MAP4K3: variants seen among roughly 807,000 people sequenced by gnomAD.
MAP4K3 encodes mitogen-activated protein kinase kinase kinase kinase 3.
MAP4K3 carries 94 observed loss-of-function variants against 143.5 expected under a neutral mutation model. That is an observed-to-expected ratio of 0.65 (90% CI 0.55 to 0.78). The LOEUF is 0.78. Among genes scored for constraint, MAP4K3 ranks in the 30% least tolerant of loss-of-function variants. The pLI is 0.00. For missense variants in MAP4K3, 1,077 were observed against 1,068.1 expected (o/e 1.01, Z -0.12); for synonymous variants, 416 against 347.2 (o/e 1.20, Z -2.20).
intron 1 of MAP4K3, among the ~76,000 whole-genome samples, chr2:39,409,325 T>A (rs758685276): frequency 1.3e-5 from 2 of 152,232 alleles, no homozygotes; most frequent in African/African-American, 4.8e-5. Context: ...TGGTTAAGCT[T>A]TGGGGAAGTC....
intron 1 of MAP4K3, among the ~76,000 whole-genome samples, chr2:39,392,636 A>G (rs529472347): frequency 2.6e-5 from 4 of 152,324 alleles, no homozygotes; most frequent in Non-Finnish European, 5.9e-5. Context: ...GGGTCCCTCA[A>G]AGCTTATGTG....
chr2:39,278,562 C>T (rs908681225), intron 23 of MAP4K3, 76 bp from the exon 24 acceptor site: 53 of 782,150 alleles, frequency 6.8e-5, no homozygotes, highest in Middle Eastern at 6.7e-4. Context: ...ATCTAAACTT[C>T]CGTAAATAAG....
chr2:39,394,365 G>C (rs1210687619), intron 1 of MAP4K3, among the ~76,000 whole-genome samples: 1 of 152,192 alleles, frequency 6.6e-6, no homozygotes, highest in African/African-American at 2.4e-5. Flanking sequence ...AGGACAGCTT[G>C]AACTAAGGTC....
chr2:39,328,547 T>C (rs1021062345), intron 8 of MAP4K3, among the ~76,000 whole-genome samples: 8 of 152,136 alleles, frequency 5.3e-5, no homozygotes, highest in Non-Finnish European at 1.2e-4. Flanking sequence ...GATCAGGGGT[T>C]ACCAGATGCT....
intron 2 of MAP4K3, among the ~76,000 whole-genome samples, chr2:39,360,243 C>A (rs2148557607): frequency 6.6e-6 from 1 of 152,340 alleles, no homozygotes; most frequent in African/African-American, 2.4e-5. Flanking sequence ...TAAAGCCTAA[C>A]AAGAGTCACT....
At chr2:39,251,742 T>A (rs979832246) in intron 33 of MAP4K3, 88 bp downstream of exon 33, 6 of 1,105,504 alleles carry the variant, frequency 5.4e-6, no homozygotes, top group Non-Finnish European at 8.1e-6. Context: ...TTGCAGACAT[T>A]TCAATTCTCT....
chr2:39,340,210 GGCA>G (rs1665100793), intron 4 of MAP4K3, among the ~76,000 whole-genome samples: 1 of 152,154 alleles, frequency 6.6e-6, no homozygotes, highest in Non-Finnish European at 1.5e-5. Context: ...ATAAAAAAGA[GGCA>G]GAAGAGAGAG....
intron 7 of MAP4K3, 132 bp from the exon 8 acceptor site, chr2:39,332,121 C>T (rs1683704256): frequency 4.1e-6 from 2 of 490,416 alleles, no homozygotes; most frequent in Admixed American, 3.2e-5. Context: ...TCTCAAACAT[C>T]ACATTACAAA....
At position 39,399,507 on chromosome 2, in the gene MAP4K3, C is replaced by G. The variant is rs74637738; in HGVS notation, c.97-21384G>C. On this transcript the variant is annotated intron_variant, in intron 1 of 33. Transcript: ENST00000263881. ...CATCTCATTTCCATCTTTGAGGTGACCTGGAGTTTTGTTCAAGCCAAGAGG... is the reference window on the plus strand; with the variant it reads ...CATCTCATTTCCATCTTTGAGGTGAGCTGGAGTTTTGTTCAAGCCAAGAGG... 1.5e-3 allele frequency among the ~76,000 whole-genome samples: 222 copies of G among 152,286 alleles called. 6 individuals carry two copies. In the East Asian group the frequency reaches 0.026, roughly 18 times the overall value.
intron 19 of MAP4K3, among the ~76,000 whole-genome samples, chr2:39,289,841 T>C (rs1435459567): frequency 1.3e-5 from 2 of 152,142 alleles, no homozygotes; most frequent in Non-Finnish European, 2.9e-5. Context: ...TCCCACAACT[T>C]TGGGAGGCCA....
intron 1 of MAP4K3, among the ~76,000 whole-genome samples, chr2:39,425,539 A>T (rs1665041207): frequency 1.3e-5 from 2 of 152,098 alleles, no homozygotes; most frequent in African/African-American, 4.8e-5. Flanking sequence ...AAGTGCCCTT[A>T]TGAGAAGAGA....
intron 3 of MAP4K3, 130 bp from the exon 4 acceptor site, chr2:39,343,582 CTAAT>C (rs1255770811): frequency 2.4e-5 from 15 of 634,096 alleles, no homozygotes; most frequent in African/African-American, 1.5e-4. Context: ...TTTAAAATAA[CTAAT>C]TAATCTTTAT....
At position 39,333,440 on chromosome 2, in the gene MAP4K3, G is replaced by A. The variant is rs1363442793; in HGVS notation, c.457+92C>T. On this transcript the variant is annotated intron_variant, in intron 7 of 33. Coordinates refer to ENST00000263881, the MANE Select transcript of MAP4K3 (RefSeq NM_003618.4). The stretch of plus-strand genomic sequence containing the variant: ...TAAAAATACACAGATGCCGTCTTAG[G>A]AGAGGGAAAACCTGGTCCTACAAAG... 4.3e-6 allele frequency: 4 copies of A among 939,454 alleles called. No homozygotes were observed. In the African/African-American group the frequency reaches 4.9e-5, roughly 12 times the overall value. 58.2% of individuals were successfully genotyped at this position (939,454 alleles called of 1,614,324 possible). A position where few individuals can be genotyped will look rare whatever the true frequency, so the allele number is the denominator to read the frequency against.
In MAP4K3 at chr2:39,336,965, T is replaced by C; in HGVS notation, c.369A>G (p.Gly123=). Residue 123 remains glycine, a splice_region_variant and synonymous_variant, in exon 6 of 34, where the codon GGA becomes GGG. Transcript: ENST00000263881. ...IAYVSRETLQ[G]LYYLHSKGKM... ...TTCCTTTACTGTGAAGATAATATAATCCCTGGAGTTTCAAAAAACAGAAAA... is the reference window on the plus strand; with the variant it reads ...TTCCTTTACTGTGAAGATAATATAACCCCTGGAGTTTCAAAAAACAGAAAA... 1 of 1,344,732 alleles carries C rather than the reference T, an allele frequency of 7.4e-7. No individual in the cohort carries two copies. The highest frequency in any genetic ancestry group is 1.5e-5 in the African/African-American group (1 of 68,194). 83.3% of individuals were successfully genotyped at this position (1,344,732 alleles called of 1,614,324 possible).
In MAP4K3 at chr2:39,275,458, G is replaced by A. The variant is rs1054214733; in HGVS notation, c.1795-2916C>T. 2.0e-5 allele frequency among the ~76,000 whole-genome samples: 3 copies of A among 152,106 alleles called. No individual in the cohort carries two copies. In the South Asian group the frequency reaches 6.2e-4, roughly 32 times the overall value. On this transcript the variant is annotated intron_variant, in intron 24 of 33. Coordinates refer to ENST00000263881, the MANE Select transcript of MAP4K3 (RefSeq NM_003618.4). ...GTTCACGCCACTGCCCTCCAGCCTG[G>A]GTGACAGAATGAAACCCTGTCTCAA...
rs78002903 is a variant in MAP4K3 at position 39,325,158 on chromosome 2, T to G, written c.918+360A>C. ...AAGCAAACTGAGGGGAAATTTTGAA[T>G]ATTCAAATGTCTTGTTTAGGCACTT... On this transcript the variant is annotated intron_variant, in intron 12 of 33. Coordinates refer to ENST00000263881, the MANE Select transcript of MAP4K3 (RefSeq NM_003618.4). Among the ~76,000 whole-genome samples the G allele has an allele frequency of 3.3e-3, 504 of 152,282 alleles. 28 individuals carry two copies. The East Asian group carries it at 0.092, about 28-fold the overall frequency.
At chr2:39,348,009 G>C (rs1438962523) in intron 3 of MAP4K3, among the ~76,000 whole-genome samples, 1 of 151,708 alleles carries the variant, frequency 6.6e-6, no homozygotes, top group Non-Finnish European at 1.5e-5. Flanking sequence ...ATTGATAATG[G>C]ACTACCATCA....
chr2:39,335,525 C>G (rs1442288849), intron 6 of MAP4K3, among the ~76,000 whole-genome samples: 2 of 152,182 alleles, frequency 1.3e-5, no homozygotes, highest in African/African-American at 4.8e-5. Context: ...CTCTTCTCTT[C>G]AATAATATGG....
At chr2:39,293,207 T>C in intron 17 of MAP4K3, 23 bp downstream of exon 17, 1 of 1,503,756 alleles carries the variant, frequency 6.7e-7, no homozygotes, top group Non-Finnish European at 9.1e-7. Context: ...ATAAAGTACT[T>C]TAAGATTAAA....
Sources: allele counts gnomAD v4.1 joint callset (sites outside exome capture counted in the v4.1 genomes callset), GRCh38; gene constraint gnomAD v4.1.1; transcripts MANE v1.5; gene names NCBI Gene and HGNC (gene_info 2026-07-23, HGNC 2026-07-21).